SUMF2: variants seen among roughly 807,000 people sequenced by gnomAD.
The protein encoded by SUMF2 is sulfatase modifying factor 2, also known as inactive C-alpha-formylglycine-generating enzyme 2.
In SUMF2, 45 loss-of-function variants were observed where a neutral mutation model predicts 44.8. The ratio of observed to expected loss-of-function variants is 1.00; its 90% CI spans 0.79 to 1.29. The LOEUF (loss-of-function observed/expected upper bound fraction) is 1.29. SUMF2 is among the 50% of genes most tolerant of loss of function. The pLI, the probability that SUMF2 is intolerant of heterozygous loss-of-function variation, is 0.00. For missense variants in SUMF2, 418 were observed against 389.9 expected, an observed-to-expected ratio of 1.07 and a Z score of -0.61; for synonymous variants, 148 against 150.4, an observed-to-expected ratio of 0.98 and a Z score of 0.12.
intron 2 of SUMF2, 64 bp downstream of exon 2, chr7:56,068,702 T>A: frequency 1.9e-6 from 2 of 1,033,576 alleles, no homozygotes; most frequent in Non-Finnish European, 2.6e-6. Context: ...TTTTCTTTCT[T>A]TTTTTTTTTT....
At chr7:56,075,694 G>C (rs1196869295) in intron 5 of SUMF2, among the ~76,000 whole-genome samples, 2 of 144,060 alleles carry the variant, frequency 1.4e-5, no homozygotes, top group African/African-American at 5.1e-5. Context: ...GTAAGACTCC[G>C]TCTCAAAAAA....
At position 56,073,071 on chromosome 7, in the gene SUMF2, T is replaced by A; in HGVS notation, c.299T>A (p.Val100Asp). Residue 100 changes from valine to aspartate, a missense_variant, in exon 3 of 9, where the codon GTC (valine) becomes GAC (aspartate). Val to Asp is a radical substitution (Grantham distance 152, BLOSUM62 -3). Coordinates refer to ENST00000434526, the MANE Select transcript of SUMF2 (RefSeq NM_015411.4). ...TGGAGCTTTGTCTTTGAGGACTTTG[T>A]CTCTGATGAGCTGAGAAACAAAGCC... is the stretch of plus-strand genomic sequence containing the variant. ...FGWSFVFEDF[V>D]SDELRNKATQ... The A allele has an allele frequency of 6.2e-7, 1 of 1,614,146 alleles. No homozygotes were observed. Among genetic ancestry groups the A allele is most frequent in the Non-Finnish European group, 8.5e-7 (1 of 1,180,034 alleles).
chr7:56,064,935 G>T (rs1003386720), intron 1 of SUMF2, among the ~76,000 whole-genome samples: 14 of 138,800 alleles, frequency 1.0e-4, no homozygotes, highest in Non-Finnish European at 1.5e-4. Flanking sequence ...GCTCACGCCT[G>T]TAATCCCAGC....
Position 56,080,567 on chromosome 7 carries a change from C to G in SUMF2, c.*955C>G, listed in dbSNP as rs1795920055. The G allele has an allele frequency of 5.9e-6, 1 of 170,896 alleles. No homozygotes were observed. Among genetic ancestry groups the G allele is most frequent in the African/African-American group, 2.4e-5 (1 of 41,676 alleles). 10.6% of individuals were successfully genotyped at this position (170,896 alleles called of 1,614,324 possible). The stretch of plus-strand genomic sequence containing the variant: ...GTGTGAGCCACCTCGCCTGGGCCCC[C>G]TTCTCCATATGCCTCCAAAAACATG... On this transcript the variant is annotated 3_prime_UTR_variant, in exon 9 of 9. Coordinates refer to ENST00000434526, the MANE Select transcript of SUMF2 (RefSeq NM_015411.4).
At position 56,076,890 on chromosome 7, in the gene SUMF2, G is replaced by A. The variant is rs1052627574; in HGVS notation, c.591+1G>A. ...GCCAAACCGCACCAACCTGTGGCAG[G>A]TAAGACCTACGTTCCTCCTTTCACC... is the stretch of plus-strand genomic sequence containing the variant. On this transcript the variant is annotated splice_donor_variant, in intron 6 of 8. Transcript: ENST00000434526. LOFTEE classifies it high-confidence loss of function. 2 of 1,606,624 alleles carry A rather than the reference G, an allele frequency of 1.2e-6. No individual in the cohort carries two copies. Among genetic ancestry groups the A allele is most frequent in the African/African-American group, 1.3e-5 (1 of 74,710 alleles).
chr7:56,081,889 T>C, downstream of SUMF2: 1 of 1,613,242 alleles, frequency 6.2e-7, no homozygotes, highest in Non-Finnish European at 8.5e-7. This position sits in a 1 kb window ranked among gnomAD's most constrained non-coding sequence, Gnocchi z 4.6. Flanking sequence ...GCCTGGCCTC[T>C]CACCAGGTCC....
chr7:56,086,991 A>C, the SUMF2 span: 1 of 1,613,344 alleles, frequency 6.2e-7, no homozygotes, highest in East Asian at 2.2e-5. Flanking sequence ...CAAGAAGAAG[A>C]AAGTGTTGGT....
In SUMF2 at chr7:56,078,185, C is replaced by T. The variant is rs370242864; in HGVS notation, c.675C>T (p.Tyr225=). The stretch of plus-strand genomic sequence containing the variant: ...ATGCTTTCCCCGCCCAGAACAACTA[C>T]GGTAAGAGCTGTCTTGGGCTTGCGG... ...PVNAFPAQNN[Y]GLYDLLGNVW... is the part of the protein sequence containing the mutation. The change falls in exon 7 of 9, where the codon TAC becomes TAT. Residue 225 remains tyrosine (Y), a splice_region_variant and synonymous_variant. Transcript: ENST00000434526. The T allele has an allele frequency of 1.2e-5, 20 of 1,610,304 alleles. No individual in the cohort carries two copies. Among genetic ancestry groups the T allele is most frequent in the Middle Eastern group, 1.7e-4 (1 of 6,056 alleles).
At chr7:56,070,546 C>T (rs1795088805) in intron 2 of SUMF2, among the ~76,000 whole-genome samples, 1 of 151,700 alleles carries the variant, frequency 6.6e-6, no homozygotes, top group African/African-American at 2.4e-5. Flanking sequence ...AGGAGGATCA[C>T]TTGAGTGTGG....
chr7:56,082,967 G>A (rs1015208316), downstream of SUMF2, among the ~76,000 whole-genome samples: 2 of 152,142 alleles, frequency 1.3e-5, no homozygotes, highest in South Asian at 4.2e-4. Flanking sequence ...TTAGCCGAGC[G>A]TTGTGGCGCG....
Position 56,067,422 on chromosome 7 carries a change from C to G in SUMF2, c.68-1060C>G, listed in dbSNP as rs753003793. Among the ~76,000 whole-genome samples the G allele has an allele frequency of 1.3e-5, 2 of 152,152 alleles. 1 individual carries two copies. The highest frequency in any genetic ancestry group is 4.1e-4 in the South Asian group (2 of 4,822). ...CTTGAACTCCTGGGCTCAAGCAATC[C>G]TCCTGCCTTAGCCTCTGCACCCTGT... On this transcript the variant is annotated intron_variant, in intron 1 of 8. Transcript: ENST00000434526.
the SUMF2 span, chr7:56,087,920 T>A: frequency 1.5e-6 from 1 of 645,576 alleles, no homozygotes; most frequent in Non-Finnish European, 2.7e-6. Flanking sequence ...AAATGGTGGA[T>A]GAATAAATAC....
chr7:56,087,346 C>T, the SUMF2 span, among the ~76,000 whole-genome samples: 12 of 151,898 alleles, frequency 7.9e-5, no homozygotes, highest in Admixed American at 3.9e-4. Flanking sequence ...TTCAGCCTCC[C>T]GAGTGGCTGG....
chr7:56,079,840 A>C lies in SUMF2; in HGVS notation c.*228A>C. ...TGTGTGTTGACGATGGCTGGGGGCC[A>C]GGTGTTTCTGTTAGAGGCCAAGTAT... On this transcript the variant is annotated 3_prime_UTR_variant, in exon 9 of 9. Transcript: ENST00000434526. The C allele has an allele frequency of 6.4e-7, 1 of 1,551,004 alleles. No individual in the cohort carries two copies. The highest frequency in any genetic ancestry group is 8.7e-7 in the Non-Finnish European group (1 of 1,146,450).
intron 8 of SUMF2, chr7:56,078,902 C>CT (rs373822074): frequency 0.037 from 13,222 of 356,378 alleles, 3 homozygotes; most frequent in South Asian, 0.053. Flanking sequence ...CACGAAAAAT[C>CT]TTTTTTTTTT....
chr7:56,078,902 C>CTTT (rs373822074), intron 8 of SUMF2: 7 of 393,874 alleles, frequency 1.8e-5, no homozygotes, highest in Admixed American at 8.1e-5. Flanking sequence ...CACGAAAAAT[C>CTTT]TTTTTTTTTT....
chr7:56,074,079 A>G (rs780738180), intron 3 of SUMF2, 95 bp from the exon 4 acceptor site: 1 of 1,023,836 alleles, frequency 9.8e-7, no homozygotes. Flanking sequence ...CCTGAGTCTC[A>G]GCCTGACGTC....
chr7:56,068,553 A>G lies in SUMF2; in HGVS notation c.139A>G (p.Ser47Gly). 1 of 1,614,124 alleles carries G rather than the reference A, an allele frequency of 6.2e-7. No individual in the cohort carries two copies. The highest frequency in any genetic ancestry group is 8.5e-7 in the Non-Finnish European group (1 of 1,180,012). The change falls in exon 2 of 9, where the codon AGC (serine) becomes GGC (glycine). Residue 47 changes from serine to glycine, a missense_variant. Coordinates refer to ENST00000434526, the MANE Select transcript of SUMF2 (RefSeq NM_015411.4). ...CCTGATGGGAACAAATTCTCCAGAC[A>G]GCAGAGATGGTGACGGGCCTGTGCG... ...RFLMGTNSPD[S>G]RDGDGPVREA...
At chr7:56,087,018 A>C in the SUMF2 span, 1 of 1,613,144 alleles carries the variant, frequency 6.2e-7, no homozygotes, top group Non-Finnish European at 8.5e-7. Context: ...AGTGTCCTTC[A>C]GCTGTACTGA....
Sources: gnomAD v4.1 joint callset for allele counts (sites outside exome capture counted in the v4.1 genomes callset) on GRCh38, gnomAD v4.1.1 for gene constraint, Gnocchi (gnomAD v3.1) non-coding constraint, MANE v1.5 for transcripts, NCBI Gene and HGNC (gene_info 2026-07-23, HGNC 2026-07-21) for gene names.